Variants in TMEM116 observed in about 807,000 individuals in gnomAD.
TMEM116 encodes transmembrane protein 116.
Under a neutral mutation model 44.3 loss-of-function variants are expected in TMEM116, and 38 were observed. The observed-to-expected ratio is 0.86, with a 90% CI of 0.66 to 1.12. The LOEUF is 1.12. TMEM116 is among the 50% of genes most tolerant of loss of function. The probability of loss-of-function intolerance (pLI) is 0.00; values close to 1 mark genes in which losing one functional copy is unlikely to be tolerated. For missense variants in TMEM116, 354 were observed against 401.7 expected (o/e 0.88, Z 1.01); for synonymous variants, 132 against 144.8 (o/e 0.91, Z 0.64).
chr12:112,000,635 C>CA, intron 3 of TMEM116: 1 of 405,612 alleles, frequency 2.5e-6, no homozygotes, highest in East Asian at 7.1e-5. Context: ...CTGAGCCTCC[C>CA]AGGCTCAAGT....
intron 4 of TMEM116, among the ~76,000 whole-genome samples, chr12:111,966,590 C>T (rs1387544186): frequency 6.6e-6 from 1 of 152,194 alleles, no homozygotes; most frequent in African/African-American, 2.4e-5. Flanking sequence ...TTCTTAGCAT[C>T]ATAACTCGTA....
intron 2 of TMEM116, 33 bp from the exon 3 acceptor site, chr12:112,003,896 G>T: frequency 1.4e-6 from 2 of 1,473,774 alleles, no homozygotes; most frequent in Non-Finnish European, 1.8e-6. Context: ...GATCATTAAA[G>T]CAGGACAATG....
intron 4 of TMEM116, among the ~76,000 whole-genome samples, chr12:111,956,459 C>A (rs1330360845): frequency 6.6e-6 from 1 of 152,166 alleles, no homozygotes; most frequent in Non-Finnish European, 1.5e-5. Flanking sequence ...TAAGAACCAA[C>A]AAACAGAAGA....
intron 4 of TMEM116, among the ~76,000 whole-genome samples, chr12:111,963,342 G>T (rs181390965): frequency 3.8e-4 from 58 of 152,284 alleles, no homozygotes; most frequent in South Asian, 2.1e-4. Context: ...CAAAGGATTA[G>T]AAATCATTCT....
chr12:111,944,100 A>T (rs544812429), intron 4 of TMEM116, among the ~76,000 whole-genome samples: 131 of 152,198 alleles, frequency 8.6e-4, no homozygotes, highest in Non-Finnish European at 1.1e-3. Context: ...GATATTTTTT[A>T]AAAAATCCTT....
chr12:111,933,240 C>CA (rs201394868), intron 9 of TMEM116, among the ~76,000 whole-genome samples: 33,007 of 109,586 alleles, frequency 0.3, 5,096 homozygotes, highest in East Asian at 0.82. Flanking sequence ...GACTCTGTCT[C>CA]AAAAAAAAAA....
chr12:111,966,921 T>C (rs2075020787), intron 4 of TMEM116, among the ~76,000 whole-genome samples: 1 of 152,206 alleles, frequency 6.6e-6, no homozygotes, highest in Non-Finnish European at 1.5e-5. Flanking sequence ...GACAGAAGCT[T>C]ATTCCTAATC....
chr12:111,974,145 GAAAA>G (rs895606683), intron 4 of TMEM116, among the ~76,000 whole-genome samples: 2 of 138,802 alleles, frequency 1.4e-5, no homozygotes, highest in East Asian at 4.1e-4. Flanking sequence ...TAAAAACAGA[GAAAA>G]AAAAAAACTC....
At chr12:112,002,822 G>A (rs1354187316) in intron 3 of TMEM116, among the ~76,000 whole-genome samples, 1 of 152,024 alleles carries the variant, frequency 6.6e-6, no homozygotes. Context: ...AAACCCAATG[G>A]CATTTTCCAC....
chr12:111,937,239 T>C lies in TMEM116; in HGVS notation c.370A>G (p.Ile124Val). The change falls in exon 7 of 11, where the codon ATA becomes GTA. Residue 124 changes from isoleucine (I) to valine (V), a missense_variant. Coordinates refer to ENST00000552374, the MANE Select transcript of TMEM116 (RefSeq NM_001193531.2). The part of the protein sequence containing the change: ...CQMAFVFSSL[I>V]PLLLMTPVFC... ...ACAGGTGTCATCAATAGCAGAGGTA[T>C]CAGGCTGGGAGGGAAAAAAAGTATC... 2.5e-6 allele frequency: 4 copies of C among 1,613,686 alleles called. No individual in the cohort carries two copies. Among genetic ancestry groups the C allele is most frequent in the Non-Finnish European group, 3.4e-6 (4 of 1,179,702 alleles).
At chr12:111,948,789 T>G (rs1471042478) in intron 4 of TMEM116, among the ~76,000 whole-genome samples, 1 of 152,154 alleles carries the variant, frequency 6.6e-6, no homozygotes, top group African/African-American at 2.4e-5. Flanking sequence ...AAATTCTTTT[T>G]AAAAAATGGC....
intron 4 of TMEM116, among the ~76,000 whole-genome samples, chr12:111,979,073 A>G (rs2075812856): frequency 6.6e-6 from 1 of 152,230 alleles, no homozygotes; most frequent in Admixed American, 6.5e-5. Context: ...AGAAGATAAC[A>G]TAGGAGAAAA....
chr12:111,931,337 T>G lies in TMEM116; in HGVS notation c.*284A>C, dbSNP rs969925673. On this transcript the variant is annotated 3_prime_UTR_variant, in exon 11 of 11. Coordinates refer to ENST00000552374, the MANE Select transcript of TMEM116 (RefSeq NM_001193531.2). ...GAATTTATTTTTTCTAGAAGAGACT[T>G]AGACAAATCCAATATCCATCAAGGT... 1 of 410,118 alleles carries G rather than the reference T, an allele frequency of 2.4e-6. No homozygotes were observed. The highest frequency in any genetic ancestry group is 4.2e-5 in the Admixed American group (1 of 23,888). The allele number at this position is 410,118 out of a possible 1,614,324, so 25.4% of individuals were successfully genotyped here.
chr12:111,957,069 G>A (rs1471841007), intron 4 of TMEM116, among the ~76,000 whole-genome samples: 4 of 151,902 alleles, frequency 2.6e-5, no homozygotes, highest in Non-Finnish European at 5.9e-5. Context: ...GAAGTGAGGA[G>A]CGTCTCTGCC....
At chr12:111,960,382 C>T (rs1385518028) in intron 4 of TMEM116, among the ~76,000 whole-genome samples, 3 of 147,918 alleles carry the variant, frequency 2.0e-5, no homozygotes, top group Non-Finnish European at 3.0e-5. Flanking sequence ...GTACCAGCTA[C>T]TTGGAAGGCT....
intron 4 of TMEM116, among the ~76,000 whole-genome samples, chr12:111,971,300 A>G (rs2075319076): frequency 6.6e-6 from 1 of 152,216 alleles, no homozygotes; most frequent in South Asian, 2.1e-4. Flanking sequence ...TTAGGCAAAA[A>G]TAATAACAAT....
At chr12:111,968,992 C>CAAAAAAAAAAAAAAAAAA (rs1176204219) in intron 4 of TMEM116, among the ~76,000 whole-genome samples, 1 of 45,152 alleles carries the variant, frequency 2.2e-5, no homozygotes, top group Non-Finnish European at 4.5e-5. Flanking sequence ...GACTCTATCT[C>CAAAAAAAAAAAAAAAAAA]AAAAAAAAAA....
At chr12:111,947,979 G>A (rs536852130) in intron 4 of TMEM116, among the ~76,000 whole-genome samples, 3 of 152,162 alleles carry the variant, frequency 2.0e-5, no homozygotes, top group East Asian at 1.9e-4. Flanking sequence ...TTAAAACCTT[G>A]TTGTTTTTTG....
At chr12:111,945,428 T>G (rs1409448723) in intron 4 of TMEM116, among the ~76,000 whole-genome samples, 1 of 151,486 alleles carries the variant, frequency 6.6e-6, no homozygotes, top group African/African-American at 2.4e-5. Context: ...TGTCATTGTA[T>G]CTGTTAGATT....
Sources: allele counts gnomAD v4.1 joint callset (sites outside exome capture counted in the v4.1 genomes callset), GRCh38; gene constraint gnomAD v4.1.1; transcripts MANE v1.5; gene names NCBI Gene and HGNC (gene_info 2026-07-23, HGNC 2026-07-21).